The following THRB variants were observed in gnomAD, a reference collection of about 807,000 sequenced individuals.
The protein encoded by THRB is thyroid hormone receptor beta.
A neutral mutation model predicts 47.8 loss-of-function variants in THRB; 12 were observed. The observed-to-expected ratio is 0.25, with a 90% CI of 0.16 to 0.41. The LOEUF is 0.41. Ranked by LOEUF, THRB falls within the 10% of genes least tolerant of loss-of-function variation. THRB has a pLI of 1.00. For missense variants in THRB, 348 were observed against 589.2 expected (o/e 0.59, Z 4.24); for synonymous variants, 218 against 212.2 (o/e 1.03, Z -0.24).
chr3:24,438,505 A>G (rs1355421784), intron 1 of THRB, among the ~76,000 whole-genome samples: 3 of 84,560 alleles, frequency 3.5e-5, no homozygotes, highest in Non-Finnish European at 8.2e-5. Context: ...GAGAACAAAA[A>G]GGTGTGTGTG....
intron 1 of THRB, chr3:24,430,611 A>C (rs538504342): frequency 2.0e-5 from 3 of 152,244 alleles, no homozygotes; most frequent in African/African-American, 7.2e-5. Flanking sequence ...ATCTTTAAAA[A>C]AGACATTTAA....
chr3:24,397,265 A>G (rs2067033698), intron 1 of THRB, among the ~76,000 whole-genome samples: 1 of 152,118 alleles, frequency 6.6e-6, no homozygotes, highest in Non-Finnish European at 1.5e-5. Flanking sequence ...TTTGCAAGAG[A>G]AAAATTTTGA....
chr3:24,482,538 C>T lies in THRB; in HGVS notation c.-261+12114G>A, dbSNP rs541405594. Among the ~76,000 whole-genome samples the T allele has an allele frequency of 7.5e-3, 980 of 130,968 alleles. 11 individuals are homozygous for T. The highest frequency in any genetic ancestry group is 0.027 in the African/African-American group (911 of 33,500). The allele number at this position is 130,968 out of a possible 152,430, so 85.9% of individuals were successfully genotyped here. A position where few individuals can be genotyped will look rare whatever the true frequency, so the allele number is the denominator to read the frequency against. On this transcript the variant is annotated intron_variant, in intron 1 of 10. Transcript: ENST00000646209. ...TTCTTTCTTTCTTTCTTTCTGTCTC[C>T]CTCTCTCTCTCTCTCTCTCTCTCTC...
intron 3 of THRB, among the ~76,000 whole-genome samples, chr3:24,283,540 C>T (rs2054869156): frequency 6.6e-6 from 1 of 150,548 alleles, no homozygotes; most frequent in South Asian, 2.1e-4. Flanking sequence ...GGGATGCCCT[C>T]TCTCACCACT....
chr3:24,240,881 G>T (rs970191036), intron 3 of THRB, among the ~76,000 whole-genome samples: 19 of 151,526 alleles, frequency 1.3e-4, no homozygotes, highest in African/African-American at 4.6e-4. Flanking sequence ...AGGAACTAAG[G>T]TGCCATCCTG....
intron 1 of THRB, among the ~76,000 whole-genome samples, chr3:24,477,344 T>C (rs564016243): frequency 6.6e-6 from 1 of 152,308 alleles, no homozygotes; most frequent in East Asian, 1.9e-4. Flanking sequence ...TAGTTTGTTT[T>C]CTGCACTTTT....
At chr3:24,412,611 G>C (rs992705576) in intron 1 of THRB, among the ~76,000 whole-genome samples, 1 of 151,764 alleles carries the variant, frequency 6.6e-6, no homozygotes, top group African/African-American at 2.4e-5. Flanking sequence ...TTCTCCTACT[G>C]TGTCAAGTGG....
chr3:24,436,565 A>G (rs1446142673), intron 1 of THRB, among the ~76,000 whole-genome samples: 1 of 152,196 alleles, frequency 6.6e-6, no homozygotes, highest in Non-Finnish European at 1.5e-5. Context: ...AACAAGAGCA[A>G]TGAGTGCTTT....
intron 1 of THRB, among the ~76,000 whole-genome samples, chr3:24,385,412 T>TACACACACAC (rs111954578): frequency 1.4e-5 from 2 of 145,268 alleles, no homozygotes; most frequent in African/African-American, 5.0e-5. Flanking sequence ...CACACACACA[T>TACACACACAC]ACACACACAC....
At chr3:24,272,504 A>G (rs921912201) in intron 3 of THRB, among the ~76,000 whole-genome samples, 1 of 152,160 alleles carries the variant, frequency 6.6e-6, no homozygotes, top group Non-Finnish European at 1.5e-5. Context: ...TCTGAAAAAC[A>G]TTGCCAACAA....
chr3:24,387,698 CT>C lies in THRB; in HGVS notation c.-260-50328del. ...TCATTACATTCCATTACAACTCTGT[CT>C]GCTTAGGTTGAAACTGTATCCTTAG... is the stretch of plus-strand genomic sequence containing the variant. On this transcript the variant is annotated intron_variant, in intron 1 of 10. Coordinates refer to ENST00000646209, the MANE Select transcript of THRB (RefSeq NM_001354712.2). Among the ~76,000 whole-genome samples the C allele has an allele frequency of 1.3e-5, 2 of 152,254 alleles. 1 individual carries two copies. Among genetic ancestry groups the C allele is most frequent in the South Asian group, 4.2e-4 (2 of 4,818 alleles).
chr3:24,242,968 T>C (rs977882148), intron 3 of THRB, among the ~76,000 whole-genome samples: 1 of 151,194 alleles, frequency 6.6e-6, no homozygotes, highest in African/African-American at 2.4e-5. Flanking sequence ...CTGTGGGGTT[T>C]TGTTTCCTAG....
At chr3:24,331,853 G>A (rs2061951405) in intron 2 of THRB, among the ~76,000 whole-genome samples, 1 of 152,078 alleles carries the variant, frequency 6.6e-6, no homozygotes, top group South Asian at 2.1e-4. Flanking sequence ...ACAAACTACA[G>A]TACTCAAAAC....
In THRB at chr3:24,213,534, C is replaced by T. The variant is rs139778001; in HGVS notation, c.22+15404G>A. On this transcript the variant is annotated intron_variant, in intron 4 of 10. Coordinates refer to ENST00000646209, the MANE Select transcript of THRB (RefSeq NM_001354712.2). ...CCTAAGACAAGAGGGTAGAGAAGAA[C>T]CACATATAGAAGGATCTTCAGAAAA... 8.1e-3 allele frequency among the ~76,000 whole-genome samples: 1,239 copies of T among 152,188 alleles called. 13 individuals are homozygous for T. Among genetic ancestry groups the T allele is most frequent in the African/African-American group, 0.027 (1,126 of 41,508 alleles).
chr3:24,174,741 C>T (rs1222767676), intron 5 of THRB, among the ~76,000 whole-genome samples: 1 of 152,150 alleles, frequency 6.6e-6, no homozygotes, highest in African/African-American at 2.4e-5. Context: ...TACAGTGGCC[C>T]ATGCACTGTG....
At chr3:24,271,566 T>G (rs922782095) in intron 3 of THRB, among the ~76,000 whole-genome samples, 2 of 152,178 alleles carry the variant, frequency 1.3e-5, no homozygotes, top group African/African-American at 4.8e-5. Context: ...TTTTTTTTCC[T>G]GTTAGAGGTT....
intron 3 of THRB, among the ~76,000 whole-genome samples, chr3:24,272,742 T>TA (rs1416951612): frequency 6.6e-6 from 1 of 152,196 alleles, no homozygotes; most frequent in African/African-American, 2.4e-5. Context: ...CACCTAGCTG[T>TA]AGTCACTTTT....
intron 1 of THRB, chr3:24,431,091 G>T (rs1370294023): frequency 4.6e-5 from 7 of 152,056 alleles, no homozygotes; most frequent in African/African-American, 1.7e-4. Context: ...TCTACAGTCA[G>T]TGTGGGTGAG....
At chr3:24,386,642 C>T (rs1187537498) in intron 1 of THRB, among the ~76,000 whole-genome samples, 10 of 152,104 alleles carry the variant, frequency 6.6e-5, no homozygotes. Flanking sequence ...AAACAGTTCC[C>T]TTCAGTTTGA....
Sources: allele counts gnomAD v4.1 joint callset (sites outside exome capture counted in the v4.1 genomes callset), GRCh38; gene constraint gnomAD v4.1.1; transcripts MANE v1.5; gene names NCBI Gene and HGNC (gene_info 2026-07-23, HGNC 2026-07-21).